The following NRXN1 variants were observed in gnomAD, a reference collection of about 807,000 sequenced individuals.
NRXN1 encodes the protein neurexin 1.
In NRXN1, 39 loss-of-function variants were observed where a neutral mutation model predicts 150.9. That is an observed-to-expected ratio of 0.26 (90% CI 0.20 to 0.34). The LOEUF is 0.34. NRXN1 is among the 10% of genes least tolerant of loss of function. NRXN1 has a pLI of 1.00. For synonymous variants in NRXN1, 924 were observed against 757.0 expected (o/e 1.22, Z -3.62); for missense variants, 1,815 against 1,949.9 (o/e 0.93, Z 1.30).
intron 18 of NRXN1, among the ~76,000 whole-genome samples, chr2:50,223,438 G>C (rs186751451): frequency 2.2e-3 from 332 of 151,976 alleles, no homozygotes; most frequent in African/African-American, 7.3e-3. Flanking sequence ...GGCGGAGCTA[G>C]AATTTACAAC....
intron 18 of NRXN1, among the ~76,000 whole-genome samples, chr2:50,163,601 G>C (rs774602217): frequency 2.0e-5 from 3 of 152,100 alleles, no homozygotes; most frequent in African/African-American, 7.2e-5. Context: ...TACAGTTAAG[G>C]ATTGACAACT....
chr2:50,988,017 G>T (rs1697979951), intron 2 of NRXN1, among the ~76,000 whole-genome samples: 1 of 151,972 alleles, frequency 6.6e-6, no homozygotes, highest in Non-Finnish European at 1.5e-5. Context: ...TCTAAATCCG[G>T]ATAGCTGCTA....
chr2:50,195,440 C>A (rs2061697008), intron 18 of NRXN1, among the ~76,000 whole-genome samples: 1 of 152,098 alleles, frequency 6.6e-6, no homozygotes, highest in Non-Finnish European at 1.5e-5. Flanking sequence ...ACAGTGATTG[C>A]CATTTTATAG....
At position 49,986,682 on chromosome 2, in the gene NRXN1, A is replaced by G. The variant is rs996774322; in HGVS notation, c.4129-42891T>C. On this transcript the variant is annotated intron_variant, in intron 21 of 22. Coordinates refer to ENST00000401669, the MANE Select transcript of NRXN1 (RefSeq NM_001330078.2). ...CATGCATACAACATGTAATAATCAAATAAGTGTAATTAGCATATCCATAAT... is the reference window on the plus strand; with the variant it reads ...CATGCATACAACATGTAATAATCAAGTAAGTGTAATTAGCATATCCATAAT... Among the ~76,000 whole-genome samples, 17 of 152,378 alleles carry G rather than the reference A, an allele frequency of 1.1e-4. No individual in the cohort carries two copies. The South Asian group carries it at 1.4e-3, about 13-fold the overall frequency.
At chr2:50,972,443 C>T (rs1575094225) in intron 2 of NRXN1, among the ~76,000 whole-genome samples, 4 of 152,210 alleles carry the variant, frequency 2.6e-5, no homozygotes, top group Admixed American at 2.6e-4. Flanking sequence ...CGATCCCAAA[C>T]CTTTTTGGCA....
intron 22 of NRXN1, chr2:49,926,380 C>T (rs750495130): frequency 5.0e-6 from 2 of 398,346 alleles, no homozygotes; most frequent in Non-Finnish European, 8.8e-6. Flanking sequence ...TCCACATGGT[C>T]TGCTTTGTCC....
intron 8 of NRXN1, among the ~76,000 whole-genome samples, chr2:50,604,016 A>G (rs1676700607): frequency 6.6e-6 from 1 of 152,078 alleles, no homozygotes; most frequent in African/African-American, 2.4e-5. Flanking sequence ...TTGTGTTTGT[A>G]TTTTGTATTC....
chr2:50,355,586 C>G (rs935379569), intron 17 of NRXN1, among the ~76,000 whole-genome samples: 2 of 152,068 alleles, frequency 1.3e-5, no homozygotes, highest in Non-Finnish European at 2.9e-5. Flanking sequence ...TTTGACATAT[C>G]CCATGCTATT....
In NRXN1 at chr2:50,519,003, A is replaced by G. The variant is rs187958195; in HGVS notation, c.2374+9622T>C. On this transcript the variant is annotated intron_variant, in intron 12 of 22. Transcript: ENST00000401669. ...AAGTCATTATAATGCGTAGAAATCT[A>G]TTTCTCAGTATTGTCAACTTTATGG... Among the ~76,000 whole-genome samples, 7 of 151,980 alleles carry G rather than the reference A, an allele frequency of 4.6e-5. No homozygotes were observed. In the East Asian group the frequency reaches 7.7e-4, roughly 17 times the overall value.
At chr2:50,515,166 T>C (rs1025192318) in intron 12 of NRXN1, among the ~76,000 whole-genome samples, 6 of 152,298 alleles carry the variant, frequency 3.9e-5, no homozygotes, top group African/African-American at 1.4e-4. Context: ...CTCACAGGAA[T>C]GCAAACCCTA....
At chr2:50,326,456 A>C (rs1013619500) in intron 17 of NRXN1, among the ~76,000 whole-genome samples, 43 of 152,210 alleles carry the variant, frequency 2.8e-4, no homozygotes, top group African/African-American at 9.6e-4. Flanking sequence ...TCTTACGATA[A>C]CACTTAGCTA....
intron 5 of NRXN1, among the ~76,000 whole-genome samples, chr2:50,711,579 A>G (rs1695163860): frequency 6.6e-6 from 1 of 151,926 alleles, no homozygotes; most frequent in Admixed American, 6.6e-5. Flanking sequence ...CAGATGATCC[A>G]GTCACCTCGG....
chr2:49,948,223 T>C (rs578103897), intron 21 of NRXN1, among the ~76,000 whole-genome samples: 14 of 152,190 alleles, frequency 9.2e-5, no homozygotes, highest in African/African-American at 2.9e-4. Flanking sequence ...ATTTACGCAA[T>C]ACAAGTTAAG....
At chr2:50,802,723 G>C (rs754461941) in intron 5 of NRXN1, among the ~76,000 whole-genome samples, 18 of 152,168 alleles carry the variant, frequency 1.2e-4, no homozygotes, top group South Asian at 6.2e-4. Flanking sequence ...ATTCATGTGG[G>C]CCCTAATCCA....
chr2:49,964,921 C>T (rs1432174941), intron 21 of NRXN1, among the ~76,000 whole-genome samples: 1 of 152,170 alleles, frequency 6.6e-6, no homozygotes, highest in Non-Finnish European at 1.5e-5. Context: ...GGGTCTCACT[C>T]TGTCACCCAG....
chr2:50,999,379 C>T (rs1699743523), intron 2 of NRXN1, among the ~76,000 whole-genome samples: 1 of 151,890 alleles, frequency 6.6e-6, no homozygotes, highest in African/African-American at 2.4e-5. Context: ...TTTAGAAAGG[C>T]AAATAATCAG....
intron 5 of NRXN1, among the ~76,000 whole-genome samples, chr2:50,888,897 G>C (rs1300287351): frequency 6.6e-6 from 1 of 151,576 alleles, no homozygotes; most frequent in Non-Finnish European, 1.5e-5. Context: ...CCTGTTCAAA[G>C]ATTTTGCTTT....
intron 21 of NRXN1, chr2:49,974,003 C>T (rs1678452972): frequency 1.4e-6 from 1 of 717,314 alleles, no homozygotes; most frequent in Admixed American, 2.0e-5. Context: ...ATATCCATGT[C>T]TGTCTGGCTA....
At chr2:50,292,155 G>C (rs1345901752) in intron 17 of NRXN1, among the ~76,000 whole-genome samples, 2 of 152,120 alleles carry the variant, frequency 1.3e-5, no homozygotes, top group East Asian at 1.9e-4. Flanking sequence ...ATTAGTAAAG[G>C]AGGTTTTTTA....
Sources: gnomAD v4.1 joint callset for allele counts (sites outside exome capture counted in the v4.1 genomes callset) on GRCh38, gnomAD v4.1.1 for gene constraint, MANE v1.5 for transcripts, NCBI Gene and HGNC (gene_info 2026-07-23, HGNC 2026-07-21) for gene names.